CCSER2: variants seen among roughly 807,000 people sequenced by gnomAD.
CCSER2 encodes serine-rich coiled-coil domain-containing protein 2.
A neutral mutation model predicts 92.3 loss-of-function variants in CCSER2; 46 were observed. That is an observed-to-expected ratio of 0.50 (90% CI 0.39 to 0.64). The LOEUF (loss-of-function observed/expected upper bound fraction) is 0.64, where lower values mean the gene tolerates loss of function less well. Among genes scored for constraint, CCSER2 ranks in the 30% least tolerant of loss-of-function variants. The pLI is 0.00. For missense variants in CCSER2, 1,244 were observed against 1,238.9 expected, an observed-to-expected ratio of 1.00 and a Z score of -0.06; for synonymous variants, 433 against 431.4, an observed-to-expected ratio of 1.00 and a Z score of -0.04.
Position 84,363,003 on chromosome 10 carries a change from AT to A in CCSER2, c.-39-7996del, listed in dbSNP as rs762145500. Reference sequence around the variant, plus strand: ...AGGTGCCTGCCACCACGCCCAGCTAATTTTTTTTTTTTTTTGTATTTTTAGT... The same window carrying A: ...AGGTGCCTGCCACCACGCCCAGCTAATTTTTTTTTTTTTTGTATTTTTAGT... On this transcript the variant is annotated intron_variant, in intron 1 of 9. Coordinates refer to ENST00000372088, the MANE Select transcript of CCSER2 (RefSeq NM_001284240.2). Among the ~76,000 whole-genome samples, 559 of 138,782 alleles carry A rather than the reference AT, an allele frequency of 4.0e-3. 1 individual carries two copies. Among genetic ancestry groups the A allele is most frequent in the African/African-American group, 0.01 (385 of 37,716 alleles). The allele number at this position is 138,782 out of a possible 152,430, so 91.0% of individuals were successfully genotyped here. A position where few individuals can be genotyped will look rare whatever the true frequency, so the allele number is the denominator to read the frequency against.
chr10:84,417,919 C>G (rs542637700), intron 4 of CCSER2, 58 bp downstream of exon 4: 4 of 843,902 alleles, frequency 4.7e-6, no homozygotes, highest in South Asian at 1.4e-5. Flanking sequence ...TCGACTGTAG[C>G]CAATTTGATA....
intron 5 of CCSER2, among the ~76,000 whole-genome samples, chr10:84,437,462 C>T (rs1295952867): frequency 6.6e-6 from 1 of 151,568 alleles, no homozygotes; most frequent in Non-Finnish European, 1.5e-5. Flanking sequence ...TACAATGAGC[C>T]AAGATCGTAC....
At chr10:84,398,731 T>C (rs1841969187) in intron 3 of CCSER2, among the ~76,000 whole-genome samples, 1 of 152,208 alleles carries the variant, frequency 6.6e-6, no homozygotes, top group East Asian at 1.9e-4. Flanking sequence ...AGCTGAAGTC[T>C]ACCCTCTTTG....
chr10:84,405,366 T>G (rs561086639), intron 3 of CCSER2, among the ~76,000 whole-genome samples: 11 of 150,328 alleles, frequency 7.3e-5, no homozygotes, highest in African/African-American at 2.7e-4. Context: ...TGTAAAACTG[T>G]AAGAAAACAT....
At chr10:84,417,683 G>A (rs1842950926) in intron 3 of CCSER2, 88 bp from the exon 4 acceptor site, 1 of 672,342 alleles carries the variant, frequency 1.5e-6, no homozygotes, top group Non-Finnish European at 2.8e-6. Context: ...GTGAATTCAG[G>A]ATATCATATA....
At chr10:84,344,587 T>C (rs1844379008) in intron 1 of CCSER2, among the ~76,000 whole-genome samples, 1 of 152,216 alleles carries the variant, frequency 6.6e-6, no homozygotes, top group African/African-American at 2.4e-5. Flanking sequence ...TGGCTTATGT[T>C]ATTCTGTCCA....
intron 6 of CCSER2, among the ~76,000 whole-genome samples, chr10:84,463,624 G>C (rs1329303917): frequency 6.6e-6 from 1 of 152,186 alleles, no homozygotes; most frequent in Non-Finnish European, 1.5e-5. Context: ...AGGTGAAACA[G>C]TCTTAAAATT....
rs144468162 is a variant in CCSER2, at chr10:84,468,275, G to A, written c.2149-2097G>A. 8.5e-5 allele frequency among the ~76,000 whole-genome samples: 13 copies of A among 152,244 alleles called. No individual in the cohort carries two copies. The East Asian group carries it at 1.2e-3, about 14-fold the overall frequency. ...TGTGCTTATCCTTTGGAACTCCACT[G>A]TAGTCCCTCATTTCTGATGTGTGAT... On this transcript the variant is annotated intron_variant, in intron 7 of 9. Coordinates refer to ENST00000372088, the MANE Select transcript of CCSER2 (RefSeq NM_001284240.2).
At chr10:84,443,006 T>G (rs1844670447) in intron 6 of CCSER2, among the ~76,000 whole-genome samples, 2 of 152,102 alleles carry the variant, frequency 1.3e-5, no homozygotes, top group South Asian at 4.1e-4. Context: ...TCGAGATGGA[T>G]TAAAGACTTA....
At chr10:84,438,460 C>A in intron 5 of CCSER2, 52 bp from the exon 6 acceptor site, 1 of 954,822 alleles carries the variant, frequency 1.0e-6, no homozygotes, top group Non-Finnish European at 1.6e-6. Flanking sequence ...TTATTTCTTT[C>A]TGAAATTGTA....
intron 1 of CCSER2, among the ~76,000 whole-genome samples, chr10:84,336,884 A>G (rs1843867971): frequency 6.6e-6 from 1 of 152,222 alleles, no homozygotes; most frequent in Admixed American, 6.5e-5. Context: ...AAGTGCCCAC[A>G]TTTTGTATAC....
chr10:84,456,951 T>A (rs1283679694), intron 6 of CCSER2, among the ~76,000 whole-genome samples: 2 of 151,710 alleles, frequency 1.3e-5, no homozygotes, highest in Admixed American at 1.3e-4. Context: ...GAGTTCTTTA[T>A]ATATTTTAGA....
chr10:84,464,706 G>T (rs1846291300), intron 7 of CCSER2, among the ~76,000 whole-genome samples: 1 of 152,108 alleles, frequency 6.6e-6, no homozygotes, highest in African/African-American at 2.4e-5. Context: ...AGATCAGCTG[G>T]GACTCTGCTT....
At chr10:84,445,499 A>C (rs1844860030) in intron 6 of CCSER2, among the ~76,000 whole-genome samples, 1 of 152,172 alleles carries the variant, frequency 6.6e-6, no homozygotes, top group Non-Finnish European at 1.5e-5. Context: ...CTTCTTAACA[A>C]AGTGTAATAT....
chr10:84,478,917 C>T (rs1847305287), intron 9 of CCSER2, among the ~76,000 whole-genome samples: 1 of 152,188 alleles, frequency 6.6e-6, no homozygotes, highest in Non-Finnish European at 1.5e-5. Flanking sequence ...GGTGGAAGCT[C>T]ATCTGTTTGC....
intron 1 of CCSER2, among the ~76,000 whole-genome samples, chr10:84,358,816 T>C (rs1461235387): frequency 6.6e-6 from 1 of 152,128 alleles, no homozygotes; most frequent in East Asian, 1.9e-4. Context: ...CAAACAGTTT[T>C]AAGTTCTGAA....
chr10:84,336,324 T>C (rs933317290), intron 1 of CCSER2, among the ~76,000 whole-genome samples: 8 of 152,226 alleles, frequency 5.3e-5, no homozygotes, highest in Admixed American at 5.2e-4. Context: ...TTGTGGAGCT[T>C]ACATTCTAAT....
intron 1 of CCSER2, among the ~76,000 whole-genome samples, chr10:84,368,394 A>G (rs889294905): frequency 6.6e-6 from 1 of 152,060 alleles, no homozygotes; most frequent in South Asian, 2.1e-4. Context: ...GAAAAAAACC[A>G]CATACACACA....
At chr10:84,494,234 T>C (rs573296495) in intron 9 of CCSER2, among the ~76,000 whole-genome samples, 33 of 152,322 alleles carry the variant, frequency 2.2e-4, no homozygotes, top group African/African-American at 7.2e-4. Context: ...CTTCCAGACA[T>C]TCCGATGGCA....
Sources: allele counts gnomAD v4.1 joint callset (sites outside exome capture counted in the v4.1 genomes callset), GRCh38; gene constraint gnomAD v4.1.1; transcripts MANE v1.5; gene names NCBI Gene and HGNC (gene_info 2026-07-23, HGNC 2026-07-21).